Variants in AAGAB observed in about 807,000 individuals in gnomAD.
AAGAB encodes alpha and gamma adaptin binding protein.
AAGAB carries 38 observed loss-of-function variants against 44.1 expected under a neutral mutation model. That is an observed-to-expected ratio of 0.86 (90% CI 0.67 to 1.13). AAGAB has a LOEUF of 1.13. Ranked by LOEUF, AAGAB falls within the 50% of genes most tolerant of loss-of-function variation. AAGAB has a pLI of 0.00. For missense variants in AAGAB, 450 were observed against 373.8 expected, an observed-to-expected ratio of 1.20 and a Z score of -1.68; for synonymous variants, 131 against 131.8, an observed-to-expected ratio of 0.99 and a Z score of 0.04.
chr15:67,250,032 G>A (rs1255117613), intron 1 of AAGAB, among the ~76,000 whole-genome samples: 1 of 152,200 alleles, frequency 6.6e-6, no homozygotes, highest in Non-Finnish European at 1.5e-5. Context: ...TGCTGAGTTG[G>A]CATTACACAC....
chr15:67,221,879 T>C (rs34699563), intron 5 of AAGAB, among the ~76,000 whole-genome samples: 30,721 of 152,106 alleles, frequency 0.2, 3,957 homozygotes, highest in East Asian at 0.47. Flanking sequence ...ATGGATGTTG[T>C]CCTCTACATT....
chr15:67,234,086 C>CAAAA (rs34634730), intron 4 of AAGAB, among the ~76,000 whole-genome samples: 12 of 116,250 alleles, frequency 1.0e-4, no homozygotes, highest in African/African-American at 2.7e-4. Flanking sequence ...ACTAAAAATA[C>CAAAA]AAAAAAAAAA....
chr15:67,208,562 C>A lies in AAGAB; in HGVS notation c.715G>T (p.Asp239Tyr). The A allele has an allele frequency of 1.2e-6, 2 of 1,613,680 alleles. No homozygotes were observed. Among genetic ancestry groups the A allele is most frequent in the Non-Finnish European group, 1.7e-6 (2 of 1,179,710 alleles). Residue 239 changes from aspartate to tyrosine, a missense_variant and splice_region_variant, in exon 7 of 10, where the codon GAT becomes TAT. By Grantham distance (160) the Asp-to-Tyr change is radical (BLOSUM62 -3). Coordinates refer to ENST00000261880, the MANE Select transcript of AAGAB (RefSeq NM_024666.5). Reference protein sequence around the residue: ...TTDAQVDSIVDPMLDLDIQEL... With the variant: ...TTDAQVDSIVYPMLDLDIQEL... ...CTTGGCAGCCAAAGGAGGAACTTAC[C>A]CACAATGCTATCAACCTGGGCATCT...
At chr15:67,239,170 T>C (rs1227164546) in intron 1 of AAGAB, among the ~76,000 whole-genome samples, 1 of 152,198 alleles carries the variant, frequency 6.6e-6, no homozygotes, top group Non-Finnish European at 1.5e-5. Context: ...ATTGGTTGTA[T>C]TGTTAAAAAC....
At chr15:67,248,408 T>C (rs1366547794) in intron 1 of AAGAB, among the ~76,000 whole-genome samples, 1 of 152,082 alleles carries the variant, frequency 6.6e-6, no homozygotes, top group Admixed American at 6.6e-5. Flanking sequence ...TACAATCCAA[T>C]CAAAGGCAGA....
intron 5 of AAGAB, among the ~76,000 whole-genome samples, chr15:67,212,234 G>C (rs1193108782): frequency 2.0e-5 from 3 of 152,146 alleles, no homozygotes; most frequent in Non-Finnish European, 4.4e-5. Flanking sequence ...GGAGGGACGG[G>C]AGTTAGGAGT....
intron 5 of AAGAB, among the ~76,000 whole-genome samples, chr15:67,209,764 T>C (rs890846743): frequency 2.6e-5 from 4 of 152,222 alleles, no homozygotes; most frequent in Admixed American, 2.0e-4. Context: ...GTGATCCTCC[T>C]TCCTCAGCCT....
At chr15:67,236,126 C>T in intron 3 of AAGAB, 58 bp from the exon 4 acceptor site, 3 of 1,294,986 alleles carry the variant, frequency 2.3e-6, no homozygotes, top group East Asian at 2.3e-5. Context: ...CATGACTATT[C>T]CTGCAATATT....
At chr15:67,247,723 T>A (rs973856618) in intron 1 of AAGAB, among the ~76,000 whole-genome samples, 3 of 152,206 alleles carry the variant, frequency 2.0e-5, no homozygotes, top group Non-Finnish European at 4.4e-5. Context: ...TCAAATTCTC[T>A]ACTCTACAAG....
chr15:67,222,256 A>G (rs1328149675), intron 5 of AAGAB, among the ~76,000 whole-genome samples: 5 of 148,884 alleles, frequency 3.4e-5, no homozygotes, highest in Admixed American at 1.4e-4. Flanking sequence ...ACACACACAC[A>G]CACACACACA....
intron 1 of AAGAB, among the ~76,000 whole-genome samples, chr15:67,240,221 T>C (rs1036150120): frequency 6.6e-6 from 1 of 152,214 alleles, no homozygotes; most frequent in Admixed American, 6.5e-5. Flanking sequence ...CATTCAGGTA[T>C]TTATATGTCA....
At chr15:67,211,910 C>T (rs535232796) in intron 5 of AAGAB, among the ~76,000 whole-genome samples, 32 of 150,622 alleles carry the variant, frequency 2.1e-4, no homozygotes, top group African/African-American at 7.6e-4. Flanking sequence ...GACAGAGTCT[C>T]ACTCTTTCGC....
chr15:67,215,520 T>C (rs1208915646), intron 5 of AAGAB, among the ~76,000 whole-genome samples: 1 of 152,224 alleles, frequency 6.6e-6, no homozygotes, highest in Non-Finnish European at 1.5e-5. Context: ...CTTAAGAAGT[T>C]TTTTCCATAT....
intron 5 of AAGAB, chr15:67,221,048 C>G (rs1964053673): frequency 6.6e-6 from 1 of 152,220 alleles, no homozygotes; most frequent in East Asian, 1.9e-4. Context: ...CCCTGTAATA[C>G]AGATTCCAGC....
chr15:67,254,433 C>G, intron 1 of AAGAB, 126 bp downstream of exon 1: 1 of 1,451,542 alleles, frequency 6.9e-7, no homozygotes, highest in Non-Finnish European at 9.1e-7. Flanking sequence ...CTGGGCGCCT[C>G]CACTGACTGG....
chr15:67,209,424 A>C, intron 6 of AAGAB, 38 bp downstream of exon 6: 5 of 1,499,512 alleles, frequency 3.3e-6, no homozygotes, highest in Non-Finnish European at 4.6e-6. Flanking sequence ...GAGAAATTAA[A>C]GCCAAAGAGG....
At chr15:67,254,708 A>G, upstream of AAGAB, 2 of 1,464,620 alleles carry the variant, frequency 1.4e-6, no homozygotes, top group Non-Finnish European at 1.9e-6. Context: ...CGCGAGGGGG[A>G]GACAGGCCGG....
At chr15:67,245,565 T>C (rs1245553098) in intron 1 of AAGAB, among the ~76,000 whole-genome samples, 1 of 152,202 alleles carries the variant, frequency 6.6e-6, no homozygotes, top group South Asian at 2.1e-4. Flanking sequence ...AATCCGTAAA[T>C]GTATTAAAAA....
intron 5 of AAGAB, among the ~76,000 whole-genome samples, chr15:67,221,690 C>T (rs1787286616): frequency 6.6e-6 from 1 of 152,126 alleles, no homozygotes; most frequent in Non-Finnish European, 1.5e-5. Flanking sequence ...TTTCCATACC[C>T]CCCTGGGTCT....
Sources: gnomAD v4.1 joint callset for allele counts (sites outside exome capture counted in the v4.1 genomes callset) on GRCh38, gnomAD v4.1.1 for gene constraint, MANE v1.5 for transcripts, NCBI Gene and HGNC (gene_info 2026-07-23, HGNC 2026-07-21) for gene names.